Variants in FOXP2 observed in about 807,000 individuals in gnomAD.
The protein encoded by FOXP2 is forkhead box P2.
A neutral mutation model predicts 115.8 loss-of-function variants in FOXP2; 12 were observed. The observed-to-expected ratio is 0.10, with a 90% confidence interval of 0.07 to 0.17. The LOEUF (loss-of-function observed/expected upper bound fraction) is 0.17, where lower values mean the gene tolerates loss of function less well. FOXP2 is among the 10% of genes least tolerant of loss of function. The pLI is 1.00. For synonymous variants in FOXP2, 328 were observed against 297.7 expected (o/e 1.10, Z -1.05); for missense variants, 629 against 843.5 (o/e 0.75, Z 3.15).
At chr7:114,218,252 A>G (rs914667097) in intron 1 of FOXP2, among the ~76,000 whole-genome samples, 3 of 152,160 alleles carry the variant, frequency 2.0e-5, no homozygotes, top group Non-Finnish European at 4.4e-5. Flanking sequence ...CCTTGCTGTA[A>G]TTGTGTTACA....
At chr7:114,164,075 CT>C (rs1792908179) in intron 1 of FOXP2, among the ~76,000 whole-genome samples, 1 of 152,134 alleles carries the variant, frequency 6.6e-6, no homozygotes, top group Admixed American at 6.5e-5. Flanking sequence ...GACATAGCAT[CT>C]GATGGAGTGG....
At chr7:114,625,726 T>C (rs532478905) in intron 3 of FOXP2, among the ~76,000 whole-genome samples, 2 of 151,796 alleles carry the variant, frequency 1.3e-5, no homozygotes, top group Non-Finnish European at 3.0e-5. Context: ...GGGTCTGCAA[T>C]ATTACTGACC....
intron 1 of FOXP2, among the ~76,000 whole-genome samples, chr7:114,225,797 A>G (rs1794732223): frequency 6.6e-6 from 1 of 152,164 alleles, no homozygotes; most frequent in Non-Finnish European, 1.5e-5. Flanking sequence ...AAAATACTTT[A>G]TCACAATACT....
At chr7:114,294,241 G>A (rs927884169) in intron 2 of FOXP2, among the ~76,000 whole-genome samples, 4 of 152,162 alleles carry the variant, frequency 2.6e-5, no homozygotes, top group East Asian at 1.9e-4. Context: ...GACTGCGTAC[G>A]TCTGCATGCT....
intron 1 of FOXP2, among the ~76,000 whole-genome samples, chr7:114,118,542 T>G (rs1209254812): frequency 6.6e-6 from 1 of 151,886 alleles, no homozygotes; most frequent in Non-Finnish European, 1.5e-5. Context: ...AGGAATAAAT[T>G]TAATAGAGAT....
At chr7:114,346,203 T>A (rs987389474) in intron 2 of FOXP2, among the ~76,000 whole-genome samples, 3 of 151,812 alleles carry the variant, frequency 2.0e-5, no homozygotes, top group African/African-American at 7.2e-5. Flanking sequence ...ACATGTATTT[T>A]AATAGAAAAT....
chr7:114,432,457 T>C (rs780589711), intron 2 of FOXP2, among the ~76,000 whole-genome samples: 8 of 152,132 alleles, frequency 5.3e-5, no homozygotes, highest in South Asian at 4.1e-4. Flanking sequence ...ATTACTTTTA[T>C]GGTACAAACT....
At chr7:114,377,965 C>G (rs1239086713) in intron 2 of FOXP2, among the ~76,000 whole-genome samples, 1 of 152,106 alleles carries the variant, frequency 6.6e-6, no homozygotes, top group Non-Finnish European at 1.5e-5. Flanking sequence ...CATGCTCGCT[C>G]CCCTCTCTCC....
At chr7:114,404,015 G>C (rs1298060408) in intron 2 of FOXP2, among the ~76,000 whole-genome samples, 1 of 152,074 alleles carries the variant, frequency 6.6e-6, no homozygotes, top group African/African-American at 2.4e-5. Flanking sequence ...CATTTGCCTT[G>C]GAGGGCAGTG....
chr7:114,382,226 C>T (rs1036374703), intron 2 of FOXP2, among the ~76,000 whole-genome samples: 1 of 152,154 alleles, frequency 6.6e-6, no homozygotes, highest in African/African-American at 2.4e-5. Flanking sequence ...ACTGAGAAGG[C>T]CGCGCCAGTG....
intron 1 of FOXP2, among the ~76,000 whole-genome samples, chr7:114,115,024 T>A (rs1791365020): frequency 1.3e-5 from 2 of 152,096 alleles, no homozygotes; most frequent in Non-Finnish European, 2.9e-5. Flanking sequence ...TTGTTTTGAA[T>A]CATTGGCTAC....
chr7:114,261,167 A>G (rs1390412614), intron 1 of FOXP2, among the ~76,000 whole-genome samples: 3 of 152,200 alleles, frequency 2.0e-5, no homozygotes, highest in Non-Finnish European at 2.9e-5. Context: ...ATTAATGTTT[A>G]TAAGTCTCTT....
At chr7:114,511,032 A>C (rs913994874) in intron 2 of FOXP2, among the ~76,000 whole-genome samples, 9 of 152,202 alleles carry the variant, frequency 5.9e-5, no homozygotes, top group Admixed American at 3.9e-4. Flanking sequence ...GCCATGAAAA[A>C]GGATGCATTC....
intron 16 of FOXP2, among the ~76,000 whole-genome samples, chr7:114,680,445 C>G (rs541455126): frequency 2.6e-5 from 4 of 152,268 alleles, no homozygotes; most frequent in African/African-American, 9.6e-5. Context: ...GATGTTTTAT[C>G]AGGCTTAGAA....
intron 6 of FOXP2, among the ~76,000 whole-genome samples, chr7:114,633,137 A>G (rs1012039096): frequency 6.6e-6 from 1 of 152,106 alleles, no homozygotes; most frequent in Non-Finnish European, 1.5e-5. Context: ...GATCTACCAC[A>G]ATCTTATTTT....
At chr7:114,664,763 T>C (rs1158686445) in intron 16 of FOXP2, 2 of 336,678 alleles carry the variant, frequency 5.9e-6, no homozygotes, top group African/African-American at 4.3e-5. Context: ...TATGGTGCAA[T>C]AAGAATATTC....
At chr7:114,422,142 T>A (rs1490141752) in intron 1 of FOXP2, among the ~76,000 whole-genome samples, 1 of 151,726 alleles carries the variant, frequency 6.6e-6, no homozygotes, top group Non-Finnish European at 1.5e-5. Context: ...TTTCTTAAAA[T>A]GTCATATTCA....
intron 2 of FOXP2, among the ~76,000 whole-genome samples, chr7:114,460,809 T>A (rs1267023410): frequency 6.6e-6 from 1 of 152,208 alleles, no homozygotes; most frequent in Admixed American, 6.5e-5. Context: ...ATCAGGGAGA[T>A]AAGAAAATTG....
chr7:114,249,191 A>T (rs1562835486), intron 1 of FOXP2, among the ~76,000 whole-genome samples: 1 of 152,138 alleles, frequency 6.6e-6, no homozygotes, highest in Non-Finnish European at 1.5e-5. Context: ...AAGTAACCAA[A>T]GAAGGCCTTT....
Sources: gnomAD v4.1 joint callset for allele counts (sites outside exome capture counted in the v4.1 genomes callset) on GRCh38, gnomAD v4.1.1 for gene constraint, MANE v1.5 for transcripts, NCBI Gene and HGNC (gene_info 2026-07-23, HGNC 2026-07-21) for gene names.